SCEL: variants seen among roughly 807,000 people sequenced by gnomAD.
SCEL encodes sciellin.
A neutral mutation model predicts 117.6 loss-of-function variants in SCEL; 113 were observed. The observed-to-expected ratio is 0.96, with a 90% CI of 0.83 to 1.12. The LOEUF is 1.12. SCEL is among the 50% of genes most tolerant of loss of function. The probability of loss-of-function intolerance (pLI) is 0.00; values close to 1 mark genes in which losing one functional copy is unlikely to be tolerated. For synonymous variants in SCEL, 270 were observed against 256.2 expected (o/e 1.05, Z -0.51); for missense variants, 785 against 810.8 (o/e 0.97, Z 0.39).
intron 31 of SCEL, among the ~76,000 whole-genome samples, chr13:77,642,015 A>C (rs2090579755): frequency 6.6e-6 from 1 of 152,202 alleles, no homozygotes; most frequent in African/African-American, 2.4e-5. Flanking sequence ...ATGCAGAAAA[A>C]TTTAAACAAG....
At chr13:77,571,378 CAAA>C (rs34247478) in intron 8 of SCEL, among the ~76,000 whole-genome samples, 24 of 124,118 alleles carry the variant, frequency 1.9e-4, no homozygotes, top group South Asian at 2.8e-4. Flanking sequence ...GACTACATCT[CAAA>C]AAAAAAAAAA....
At chr13:77,551,158 C>G (rs17773384) in intron 1 of SCEL, among the ~76,000 whole-genome samples, 9,541 of 152,258 alleles carry the variant, frequency 0.063, 370 homozygotes, top group East Asian at 0.088. Context: ...GTTGCATCCT[C>G]TCTCTGAGCT....
intron 27 of SCEL, among the ~76,000 whole-genome samples, chr13:77,624,978 T>C (rs537372199): frequency 2.2e-4 from 33 of 152,212 alleles, no homozygotes; most frequent in Non-Finnish European, 4.4e-4. Flanking sequence ...TGTTAGGCCA[T>C]AGTAATGTGA....
intron 10 of SCEL, among the ~76,000 whole-genome samples, chr13:77,589,929 G>A (rs1161156369): frequency 1.3e-5 from 2 of 151,978 alleles, no homozygotes; most frequent in African/African-American, 4.8e-5. Flanking sequence ...AATATATCTT[G>A]AACAATTTTT....
chr13:77,572,245 G>A, intron 9 of SCEL, 56 bp downstream of exon 9: 1 of 1,311,438 alleles, frequency 7.6e-7, no homozygotes, highest in Non-Finnish European at 1.1e-6. Context: ...GAACATGTCA[G>A]ACATTGACAA....
chr13:77,553,849 A>T (rs184249323), intron 1 of SCEL, among the ~76,000 whole-genome samples: 9 of 152,198 alleles, frequency 5.9e-5, no homozygotes, highest in African/African-American at 2.2e-4. Flanking sequence ...CTCATGATGC[A>T]AATAAGAGAC....
intron 14 of SCEL, 70 bp from the exon 15 acceptor site, chr13:77,599,619 G>C: frequency 8.7e-7 from 1 of 1,143,270 alleles, no homozygotes; most frequent in Non-Finnish European, 1.3e-6. Context: ...TATTGCATTT[G>C]ACCTTTCAAG....
At chr13:77,608,254 C>T in intron 20 of SCEL, 139 bp downstream of exon 20, 1 of 599,382 alleles carries the variant, frequency 1.7e-6, no homozygotes, top group Non-Finnish European at 2.9e-6. Flanking sequence ...TGTCTTTGAA[C>T]AAGTCCCTTG....
intron 19 of SCEL, among the ~76,000 whole-genome samples, chr13:77,606,194 G>C (rs560941463): frequency 6.0e-4 from 91 of 152,210 alleles, no homozygotes; most frequent in Non-Finnish European, 9.6e-4. Context: ...TGTGTACGTT[G>C]TGCATGTGTG....
At position 77,610,032 on chromosome 13, in the gene SCEL, T is replaced by C. The variant is rs773548771; in HGVS notation, c.1278-15T>C. On this transcript the variant is annotated splice_polypyrimidine_tract_variant and intron_variant, in intron 21 of 32. Transcript: ENST00000349847. Reference sequence around the variant, plus strand: ...ATTTAAATCTACCACTGATCTGATTTTCTATGTTTTTAAGGGGCCAAAGTC... The same window carrying C: ...ATTTAAATCTACCACTGATCTGATTCTCTATGTTTTTAAGGGGCCAAAGTC... The C allele has an allele frequency of 2.5e-6, 4 of 1,594,830 alleles. No individual in the cohort carries two copies. Among genetic ancestry groups the C allele is most frequent in the African/African-American group, 1.3e-5 (1 of 74,172 alleles).
chr13:77,589,933 A>G (rs2086774787), intron 10 of SCEL, among the ~76,000 whole-genome samples: 1 of 152,132 alleles, frequency 6.6e-6, no homozygotes, highest in Non-Finnish European at 1.5e-5. Context: ...TATCTTGAAC[A>G]ATTTTTCAAG....
chr13:77,575,031 A>G (rs2085858664), intron 9 of SCEL, among the ~76,000 whole-genome samples: 1 of 152,206 alleles, frequency 6.6e-6, no homozygotes, highest in Admixed American at 6.5e-5. Flanking sequence ...TGAAAAGACC[A>G]TCAAACTTCC....
chr13:77,634,333 C>A, intron 28 of SCEL, 46 bp from the exon 29 acceptor site: 1 of 1,461,660 alleles, frequency 6.8e-7, no homozygotes, highest in Non-Finnish European at 9.6e-7. Context: ...TTTTATTATC[C>A]TTGCAAATAA....
At chr13:77,613,802 A>G (rs530683543) in intron 23 of SCEL, 91 bp from the exon 24 acceptor site, 1 of 969,804 alleles carries the variant, frequency 1.0e-6, no homozygotes, top group East Asian at 2.4e-5. Flanking sequence ...ATGAGTTCTT[A>G]CACTAGGATT....
Position 77,640,825 on chromosome 13 carries a change from CATA to C in SCEL, c.1947+46_1947+48del, listed in dbSNP as rs755705122. 5.5e-5 allele frequency: 56 copies of C among 1,018,016 alleles called. No individual in the cohort carries two copies. The African/African-American group carries it at 7.9e-4, about 14-fold the overall frequency. 63.1% of individuals were successfully genotyped at this position (1,018,016 alleles called of 1,614,324 possible). On this transcript the variant is annotated intron_variant, in intron 31 of 32. Coordinates refer to ENST00000349847, the MANE Select transcript of SCEL (RefSeq NM_144777.3). The stretch of plus-strand genomic sequence containing the variant: ...TTTCACTTAATTAAATAAAAAATTG[CATA>C]ATAACTGGAATAAAATAATAATTTA...
chr13:77,587,044 C>T (rs568104586), intron 9 of SCEL, among the ~76,000 whole-genome samples: 58 of 152,048 alleles, frequency 3.8e-4, no homozygotes, highest in Non-Finnish European at 6.9e-4. Context: ...TACTCTTCTG[C>T]TTGCCTAGAA....
chr13:77,617,896 TTGTC>T, intron 26 of SCEL, 34 bp downstream of exon 26: 1 of 1,584,690 alleles, frequency 6.3e-7, no homozygotes, highest in Non-Finnish European at 8.7e-7. Context: ...ATGTTTTTAT[TTGTC>T]TGTTGCCCTG....
chr13:77,551,198 C>A (rs1169750141), intron 1 of SCEL, among the ~76,000 whole-genome samples: 2 of 152,146 alleles, frequency 1.3e-5, no homozygotes, highest in Non-Finnish European at 2.9e-5. Context: ...GTTGGAGGGA[C>A]CAACAGCCAC....
intron 27 of SCEL, among the ~76,000 whole-genome samples, chr13:77,620,048 G>A (rs2089324280): frequency 6.6e-6 from 1 of 152,172 alleles, no homozygotes; most frequent in African/African-American, 2.4e-5. Flanking sequence ...TCCGTATACA[G>A]ATATGATTAC....
Sources: gnomAD v4.1 joint callset for allele counts (sites outside exome capture counted in the v4.1 genomes callset) on GRCh38, gnomAD v4.1.1 for gene constraint, MANE v1.5 for transcripts, NCBI Gene and HGNC (gene_info 2026-07-23, HGNC 2026-07-21) for gene names.